ATP6V0A2: variants seen among roughly 807,000 people sequenced by gnomAD.
ATP6V0A2 encodes ATPase H+ transporting V0 subunit a2, also known as V-type proton ATPase 116 kDa subunit a 2.
A neutral mutation model predicts 104.4 loss-of-function variants in ATP6V0A2; 58 were observed. The ratio of observed to expected loss-of-function variants is 0.56; its 90% CI spans 0.45 to 0.69. The LOEUF (loss-of-function observed/expected upper bound fraction) is 0.69, where lower values mean the gene tolerates loss of function less well. Among genes scored for constraint, ATP6V0A2 ranks in the 30% least tolerant of loss-of-function variants. The pLI, the probability that ATP6V0A2 is intolerant of heterozygous loss-of-function variation, is 0.00. For synonymous variants in ATP6V0A2, 376 were observed against 397.9 expected, an observed-to-expected ratio of 0.95 and a Z score of 0.65; for missense variants, 938 against 1,062.9, an observed-to-expected ratio of 0.88 and a Z score of 1.63.
chr12:123,718,813 T>G, intron 2 of ATP6V0A2, 112 bp downstream of exon 2: 1 of 723,514 alleles, frequency 1.4e-6, no homozygotes, highest in African/African-American at 1.8e-5. Context: ...AAAAAGAAAT[T>G]GTATTCTCAT....
At chr12:123,737,425 T>C in intron 9 of ATP6V0A2, 154 bp downstream of exon 9, 1 of 814,992 alleles carries the variant, frequency 1.2e-6, no homozygotes, top group East Asian at 2.7e-5. Flanking sequence ...ATTAACAAAA[T>C]TAAAATAGAG....
At chr12:123,718,589 G>T in intron 1 of ATP6V0A2, 34 bp from the exon 2 acceptor site, 1 of 1,504,264 alleles carries the variant, frequency 6.6e-7, no homozygotes, top group South Asian at 1.1e-5. Context: ...TTAAATTTTA[G>T]AAATTTAAAC....
intron 2 of ATP6V0A2, among the ~76,000 whole-genome samples, chr12:123,720,222 A>G (rs569213829): frequency 1.4e-4 from 21 of 152,160 alleles, no homozygotes; most frequent in African/African-American, 5.1e-4. Flanking sequence ...AGTCCTATTC[A>G]TATTGCTTGA....
chr12:123,724,596 T>C, intron 3 of ATP6V0A2, 58 bp from the exon 4 acceptor site: 2 of 1,582,262 alleles, frequency 1.3e-6, no homozygotes, highest in Non-Finnish European at 1.7e-6. Flanking sequence ...ATGAAGATTA[T>C]TGGAATTACA....
At chr12:123,722,300 A>T in intron 2 of ATP6V0A2, 51 bp from the exon 3 acceptor site, 1 of 1,128,420 alleles carries the variant, frequency 8.9e-7, no homozygotes, top group Non-Finnish European at 1.4e-6. Flanking sequence ...TCTGACTGAA[A>T]TGTATTATAG....
At chr12:123,732,726 A>T (rs1198660878) in intron 6 of ATP6V0A2, 1 of 149,092 alleles carries the variant, frequency 6.7e-6, no homozygotes, top group Non-Finnish European at 1.5e-5. Flanking sequence ...TGCCCATCCT[A>T]TGTGAGATCA....
rs200340802 is a variant in ATP6V0A2, at chr12:123,748,784, A to G, written c.1934A>G (p.Gln645Arg). 35 of 1,613,052 alleles carry G rather than the reference A, an allele frequency of 2.2e-5. No homozygotes were observed. Among genetic ancestry groups the G allele is most frequent in the South Asian group, 1.2e-4 (11 of 91,066 alleles). Residue 645 changes from glutamine (Q) to arginine (R), a missense_variant and splice_region_variant, in exon 15 of 20, where the codon CAG becomes CGG. Gln to Arg is a conservative substitution (Grantham distance 43). Transcript: ENST00000330342. ...AAAACAAGTGGCCTTTACACAGGGC[A>G]GGTGAGTCATCTTCCCACCCTCATG... is the stretch of plus-strand genomic sequence containing the variant. ...ASKTSGLYTG[Q>R]EYVQRVLLVV...
chr12:123,757,820 A>G (rs930476069), intron 19 of ATP6V0A2, 107 bp from the exon 20 acceptor site: 3 of 738,456 alleles, frequency 4.1e-6, no homozygotes, highest in Non-Finnish European at 4.5e-6. Flanking sequence ...CATATTTTGG[A>G]ATGAAGCAAT....
At chr12:123,721,057 A>G (rs1478117720) in intron 2 of ATP6V0A2, among the ~76,000 whole-genome samples, 10 of 152,136 alleles carry the variant, frequency 6.6e-5, no homozygotes, top group Admixed American at 6.5e-4. Flanking sequence ...ACACTTCTAA[A>G]TATTAGGCCT....
intron 3 of ATP6V0A2, 78 bp downstream of exon 3, chr12:123,722,526 G>A: frequency 1.2e-6 from 1 of 863,376 alleles, no homozygotes; most frequent in Non-Finnish European, 2.0e-6. Context: ...GTTGTCTAAT[G>A]CTTTTCTGCC....
At chr12:123,733,753 G>A (rs1956526063) in intron 6 of ATP6V0A2, 173 bp from the exon 7 acceptor site, 1 of 634,464 alleles carries the variant, frequency 1.6e-6, no homozygotes. Context: ...CCGTGGATTG[G>A]TTTGGGGCTG....
chr12:123,724,388 C>T (rs1001588845), intron 3 of ATP6V0A2: 5 of 357,412 alleles, frequency 1.4e-5, no homozygotes, highest in East Asian at 1.4e-4. Context: ...ATTAGCTGGG[C>T]GTGGTGATGC....
intron 18 of ATP6V0A2, 39 bp downstream of exon 18, chr12:123,754,576 T>C: frequency 7.0e-7 from 1 of 1,429,758 alleles, no homozygotes; most frequent in Non-Finnish European, 9.9e-7. Context: ...CAATGCCCTG[T>C]AGTGCCAGCA....
intron 9 of ATP6V0A2, among the ~76,000 whole-genome samples, chr12:123,741,971 C>T (rs188264739): frequency 3.3e-4 from 50 of 152,140 alleles, no homozygotes; most frequent in African/African-American, 1.1e-3. Flanking sequence ...CTGAGATGTC[C>T]TCTGTGTCTC....
rs375232199 is a variant in ATP6V0A2, at chr12:123,752,269, C to G, written c.2056-14C>G. ...GTTTTACAGGCACTGACTCTGTGCT[C>G]TTTTGGTTGTTAGAGTGGCTACACA... is the stretch of plus-strand genomic sequence containing the variant. On this transcript the variant is annotated splice_polypyrimidine_tract_variant and intron_variant, in intron 16 of 19. Coordinates refer to ENST00000330342, the MANE Select transcript of ATP6V0A2 (RefSeq NM_012463.4). 2.5e-5 allele frequency: 40 copies of G among 1,613,860 alleles called. No homozygotes were observed. The highest frequency in any genetic ancestry group is 1.1e-5 in the Non-Finnish European group (13 of 1,179,980).
At chr12:123,715,338 T>C (rs1463588658) in intron 1 of ATP6V0A2, among the ~76,000 whole-genome samples, 7 of 152,228 alleles carry the variant, frequency 4.6e-5, no homozygotes, top group Admixed American at 4.6e-4. Context: ...TCTGAATCAT[T>C]AGTAACTTGG....
At position 123,754,502 on chromosome 12, in the gene ATP6V0A2, AC is replaced by A. The variant is rs1956745170; in HGVS notation, c.2260del (p.Leu754Ter). The A allele has an allele frequency of 6.2e-7, 1 of 1,613,858 alleles. No individual in the cohort carries two copies. Among genetic ancestry groups the A allele is most frequent in the African/African-American group, 1.3e-5 (1 of 74,868 alleles). On this transcript the variant is annotated frameshift_variant, in exon 18 of 20. Transcript: ENST00000330342. LOFTEE classifies it high-confidence loss of function. The stretch of plus-strand genomic sequence containing the variant: ...GGATGCATCTCCAACACCGCCTCCT[AC>A]CTGAGGCTCTGGGCGCTTAGCCTGG... ...CLGCISNTAS[Y>X]LRLWALSLAH...
At chr12:123,750,357 C>T (rs938103378) in intron 15 of ATP6V0A2, 3 of 152,802 alleles carry the variant, frequency 2.0e-5, no homozygotes, top group African/African-American at 7.2e-5. Context: ...CCCAGGACTT[C>T]TGATGTGGCT....
chr12:123,745,033 C>T (rs1022977557), intron 13 of ATP6V0A2, 61 bp downstream of exon 13: 234 of 1,511,332 alleles, frequency 1.5e-4, no homozygotes, highest in Non-Finnish European at 2.1e-4. Context: ...TAGCTTCGGG[C>T]GCCACGAGTT....
Sources: allele counts gnomAD v4.1 joint callset (sites outside exome capture counted in the v4.1 genomes callset), GRCh38; gene constraint gnomAD v4.1.1; transcripts MANE v1.5; gene names NCBI Gene and HGNC (gene_info 2026-07-23, HGNC 2026-07-21).